Variants in LOXHD1 observed in about 807,000 individuals in gnomAD.
LOXHD1 encodes lipoxygenase homology PLAT domains 1, also known as lipoxygenase homology domain-containing protein 1.
In LOXHD1, 205 loss-of-function variants were observed where a neutral mutation model predicts 248.2. The observed-to-expected ratio is 0.83, with a 90% CI of 0.74 to 0.93. The LOEUF is 0.93. Ranked by LOEUF, LOXHD1 falls within the 40% of genes least tolerant of loss-of-function variation. The pLI is 0.00. For synonymous variants in LOXHD1, 1,113 were observed against 1,162.8 expected (o/e 0.96, Z 0.87); for missense variants, 2,930 against 2,971.6 (o/e 0.99, Z 0.33).
intron 38 of LOXHD1, 45 bp from the exon 39 acceptor site, chr18:46,485,196 G>A (rs2032949935): frequency 6.5e-7 from 1 of 1,526,956 alleles, no homozygotes; most frequent in African/African-American, 1.4e-5. Flanking sequence ...GGGAAGCAGT[G>A]CCCGTCTTCA....
At chr18:46,608,693 G>A (rs560328617) in intron 6 of LOXHD1, among the ~76,000 whole-genome samples, 3 of 152,310 alleles carry the variant, frequency 2.0e-5, no homozygotes, top group African/African-American at 7.2e-5. Flanking sequence ...TCCAATCCAA[G>A]CAGCAGTTCC....
intron 21 of LOXHD1, among the ~76,000 whole-genome samples, chr18:46,556,976 T>C (rs2037365341): frequency 7.4e-6 from 1 of 135,388 alleles, no homozygotes; most frequent in Middle Eastern, 4.4e-3. Flanking sequence ...CTCACCCTCA[T>C]ACTCACCCAC....
At chr18:46,646,098 A>G (rs1259497828) in intron 2 of LOXHD1, among the ~76,000 whole-genome samples, 2 of 152,224 alleles carry the variant, frequency 1.3e-5, no homozygotes, top group Non-Finnish European at 2.9e-5. Context: ...TGTGTGTATT[A>G]TAGGTGAGCA....
chr18:46,580,264 T>C (rs2037938286), intron 12 of LOXHD1, among the ~76,000 whole-genome samples: 2 of 152,240 alleles, frequency 1.3e-5, no homozygotes, highest in Admixed American at 6.5e-5. Flanking sequence ...ATTCCATCCA[T>C]CCCAGTAAAC....
chr18:46,506,241 G>A (rs2034564597), intron 36 of LOXHD1, among the ~76,000 whole-genome samples: 1 of 152,130 alleles, frequency 6.6e-6, no homozygotes, highest in Non-Finnish European at 1.5e-5. Flanking sequence ...AAAGCTTTTG[G>A]TCTAACTGGA....
At chr18:46,518,739 G>T in intron 33 of LOXHD1, 1 of 296,818 alleles carries the variant, frequency 3.4e-6, no homozygotes, top group Non-Finnish European at 5.0e-6. Context: ...CTGACAATTC[G>T]CATGGCACCT....
At chr18:46,639,430 A>T (rs936428040) in intron 4 of LOXHD1, among the ~76,000 whole-genome samples, 186 bp downstream of exon 4, 1 of 152,204 alleles carries the variant, frequency 6.6e-6, no homozygotes, top group Admixed American at 6.5e-5. Context: ...GAGCATAAAA[A>T]GTTGCCCATA....
chr18:46,604,598 G>T (rs1024665803), intron 6 of LOXHD1, among the ~76,000 whole-genome samples: 8 of 152,236 alleles, frequency 5.3e-5, no homozygotes, highest in African/African-American at 1.7e-4. Context: ...CTCACAGGCT[G>T]AAGGTTGGGA....
chr18:46,607,063 G>A (rs1267727138), intron 6 of LOXHD1, among the ~76,000 whole-genome samples: 2 of 151,974 alleles, frequency 1.3e-5, no homozygotes, highest in Admixed American at 1.3e-4. Flanking sequence ...CTACTTGGGA[G>A]GCTGAGGCAG....
intron 18 of LOXHD1, among the ~76,000 whole-genome samples, chr18:46,561,680 C>T (rs2037532608): frequency 6.6e-6 from 1 of 152,216 alleles, no homozygotes; most frequent in Non-Finnish European, 1.5e-5. Context: ...TTCTGACCCC[C>T]TGTTCATGAG....
intron 12 of LOXHD1, among the ~76,000 whole-genome samples, chr18:46,586,733 C>T (rs895191947): frequency 6.6e-6 from 1 of 152,190 alleles, no homozygotes; most frequent in South Asian, 2.1e-4. Flanking sequence ...CAGGCATGAG[C>T]CACTGCGTCC....
At chr18:46,579,532 C>A in intron 13 of LOXHD1, 98 bp downstream of exon 13, 1 of 1,479,780 alleles carries the variant, frequency 6.8e-7, no homozygotes. Flanking sequence ...GGCCCCAGGA[C>A]CAGCATCAGC....
At chr18:46,611,120 G>A (rs1467940439) in intron 5 of LOXHD1, among the ~76,000 whole-genome samples, 196 bp from the exon 6 acceptor site, 1 of 152,134 alleles carries the variant, frequency 6.6e-6, no homozygotes, top group Admixed American at 6.5e-5. Flanking sequence ...TTGTGCCCAG[G>A]TCTTATAACT....
chr18:46,645,675 C>T (rs959345573), intron 2 of LOXHD1, among the ~76,000 whole-genome samples: 1 of 151,940 alleles, frequency 6.6e-6, no homozygotes. Flanking sequence ...TCTAAGTCCA[C>T]TGAGTACCAA....
intron 14 of LOXHD1, among the ~76,000 whole-genome samples, chr18:46,577,199 T>G (rs1433082266): frequency 5.3e-5 from 8 of 152,172 alleles, no homozygotes; most frequent in Non-Finnish European, 8.8e-5. Context: ...AGGGACTTCT[T>G]TAAGTCAATG....
At chr18:46,566,213 C>G (rs1303007152) in intron 17 of LOXHD1, 44 bp downstream of exon 17, 2 of 1,515,474 alleles carry the variant, frequency 1.3e-6, no homozygotes, top group African/African-American at 1.4e-5. Flanking sequence ...AGCCCCATCC[C>G]CCATGGGAAA....
intron 37 of LOXHD1, 105 bp from the exon 38 acceptor site, chr18:46,489,247 A>T (rs2033295720): frequency 1.6e-6 from 2 of 1,236,978 alleles, no homozygotes; most frequent in Admixed American, 2.0e-5. Context: ...TGGACAAGTT[A>T]TCTGTCCTCT....
intron 22 of LOXHD1, among the ~76,000 whole-genome samples, chr18:46,546,447 CCATTT>C (rs1700624375): frequency 6.6e-6 from 1 of 151,012 alleles, no homozygotes; most frequent in African/African-American, 2.4e-5. Flanking sequence ...GCATTCCATT[CCATTT>C]CAATACATTC....
intron 38 of LOXHD1, among the ~76,000 whole-genome samples, chr18:46,487,454 T>C (rs1256305119): frequency 6.6e-6 from 1 of 152,192 alleles, no homozygotes; most frequent in East Asian, 1.9e-4. Context: ...GTGACGGCCA[T>C]GGAGGAATGC....
Sources: gnomAD v4.1 joint callset for allele counts (sites outside exome capture counted in the v4.1 genomes callset) on GRCh38, gnomAD v4.1.1 for gene constraint, MANE v1.5 for transcripts, NCBI Gene and HGNC (gene_info 2026-07-23, HGNC 2026-07-21) for gene names.